The following ITGA3 variants were observed in gnomAD, a reference collection of about 807,000 sequenced individuals.
ITGA3 encodes integrin alpha-3.
A neutral mutation model predicts 131.1 loss-of-function variants in ITGA3; 70 were observed. That is an observed-to-expected ratio of 0.53 (90% CI 0.44 to 0.65). ITGA3 has a LOEUF of 0.65. Among genes scored for constraint, ITGA3 ranks in the 30% least tolerant of loss-of-function variants. The pLI is 0.00. For synonymous variants in ITGA3, 537 were observed against 571.6 expected, an observed-to-expected ratio of 0.94 and a Z score of 0.86; for missense variants, 1,098 against 1,388.6, an observed-to-expected ratio of 0.79 and a Z score of 3.33.
chr17:50,070,463 T>C (rs2144278154), intron 4 of ITGA3, among the ~76,000 whole-genome samples: 1 of 152,044 alleles, frequency 6.6e-6, no homozygotes, highest in Middle Eastern at 3.4e-3. Context: ...CTGGCCAACA[T>C]GGTGAAACCT....
chr17:50,079,573 G>A lies in ITGA3; in HGVS notation c.2706+16G>A, dbSNP rs367916414. ...GACTGTGCTGGTGAGTGGCCAGGGC[G>A]AGGTTGGAGGGGATTGCATCCACCC... On this transcript the variant is annotated intron_variant, in intron 21 of 25. Transcript: ENST00000320031. The A allele has an allele frequency of 6.6e-5, 100 of 1,509,596 alleles. No individual in the cohort carries two copies. The highest frequency in any genetic ancestry group is 8.3e-5 in the Non-Finnish European group (94 of 1,128,994). The allele number at this position is 1,509,596 out of a possible 1,614,324, so 93.5% of individuals were successfully genotyped here. A position where few individuals can be genotyped will look rare whatever the true frequency, so the allele number is the denominator to read the frequency against.
Position 50,089,190 on chromosome 17 carries a change from C to A in ITGA3, c.*112C>A, listed in dbSNP as rs1208874040. ...TGCGGATCCGGGAGGAGGAGCGCTA[C>A]CCACCTCCAGGGAGCACCCTGCCCA... On this transcript the variant is annotated 3_prime_UTR_variant, in exon 26 of 26. Transcript: ENST00000320031. 1.9e-6 allele frequency: 3 copies of A among 1,612,772 alleles called. No homozygotes were observed. In the African/African-American group the frequency reaches 4.0e-5, roughly 22 times the overall value.
chr17:50,074,528 C>A lies in ITGA3; in HGVS notation c.1463C>A (p.Thr488Asn), dbSNP rs1456607845. 6.2e-7 allele frequency: 1 copy of A among 1,611,400 alleles called. No individual in the cohort carries two copies. Among genetic ancestry groups the A allele is most frequent in the African/African-American group, 1.3e-5 (1 of 75,016 alleles). The change falls in exon 10 of 26, where the codon ACC becomes AAC. Residue 488 changes from threonine to asparagine, a missense_variant. This residue lies in a region of ITGA3 where 699 missense variants were observed against 829.2 expected (regional missense o/e 0.84). Coordinates refer to ENST00000320031, the MANE Select transcript of ITGA3 (RefSeq NM_002204.4). The stretch of plus-strand genomic sequence containing the variant: ...CTGGACCCTGCACTTTGCACGGCCA[C>A]CTCTTGGTGAGATTGTTCTGCCCAC... ...AVLDPALCTA[T>N]SCVQVELCFA...
At chr17:50,071,674 C>T in intron 6 of ITGA3, 156 bp downstream of exon 6, 1 of 698,242 alleles carries the variant, frequency 1.4e-6, no homozygotes, top group Non-Finnish European at 2.4e-6. Context: ...AGTCTGAGCA[C>T]CTGCACATGG....
Position 50,088,248 on chromosome 17 carries a change from C to T in ITGA3, c.3069C>T (p.Arg1023=). ...AGTGCGGCTTCTTCAAGCGAGCCCG[C>T]ACTCGCGCCCTGTATGAAGCTAAGA... ...LWKCGFFKRA[R]TRALYEAKRQ... Residue 1023 remains arginine, a synonymous_variant, in exon 25 of 26, where the codon CGC becomes CGT. Transcript: ENST00000320031. The T allele has an allele frequency of 1.3e-6, 2 of 1,574,732 alleles. No homozygotes were observed. Among genetic ancestry groups the T allele is most frequent in the Non-Finnish European group, 1.7e-6 (2 of 1,160,204 alleles).
intron 21 of ITGA3, 125 bp downstream of exon 21, chr17:50,079,682 A>G (rs1909095676): frequency 9.0e-7 from 1 of 1,111,584 alleles, no homozygotes; most frequent in African/African-American, 1.6e-5. Flanking sequence ...TGCTCTTGGG[A>G]GCCTCCAGAC....
In ITGA3 at chr17:50,074,291, A is replaced by T; in HGVS notation, c.1382+11A>T. 6.2e-7 allele frequency: 1 copy of T among 1,613,694 alleles called. No homozygotes were observed. The highest frequency in any genetic ancestry group is 8.5e-7 in the Non-Finnish European group (1 of 1,179,760). ...CATTGTGCTGCTGCGGTGAGCCAGG[A>T]GGCCAGTGAATAAGGGTCTTTCTCT... is the stretch of plus-strand genomic sequence containing the variant. On this transcript the variant is annotated intron_variant, in intron 9 of 25. Coordinates refer to ENST00000320031, the MANE Select transcript of ITGA3 (RefSeq NM_002204.4).
chr17:50,060,228 A>G (rs1158927749), intron 1 of ITGA3, among the ~76,000 whole-genome samples: 1 of 152,156 alleles, frequency 6.6e-6, no homozygotes, highest in Non-Finnish European at 1.5e-5. Flanking sequence ...AGGCCCTGCC[A>G]TGTTGGCCTG....
chr17:50,080,388 G>C lies in ITGA3; in HGVS notation c.2820+13G>C, dbSNP rs139327106. 2 of 1,532,206 alleles carry C rather than the reference G, an allele frequency of 1.3e-6. No homozygotes were observed. Among genetic ancestry groups the C allele is most frequent in the Non-Finnish European group, 9.0e-7 (1 of 1,109,842 alleles). 94.9% of individuals were successfully genotyped at this position (1,532,206 alleles called of 1,614,324 possible). ...CACCTTCATCGAGGTCAGTGCCTGGGTCTGAAGGTCTCTCCTACCATCCAC... is the reference window on the plus strand; with the variant it reads ...CACCTTCATCGAGGTCAGTGCCTGGCTCTGAAGGTCTCTCCTACCATCCAC... On this transcript the variant is annotated intron_variant, in intron 22 of 25. Coordinates refer to ENST00000320031, the MANE Select transcript of ITGA3 (RefSeq NM_002204.4).
chr17:50,080,921 TAG>T (rs1236611062), intron 22 of ITGA3, among the ~76,000 whole-genome samples: 1 of 152,154 alleles, frequency 6.6e-6, no homozygotes, highest in African/African-American at 2.4e-5. Flanking sequence ...TGGCGGGCCA[TAG>T]AGTTTCTGTT....
intron 16 of ITGA3, 78 bp from the exon 17 acceptor site, chr17:50,077,968 T>G (rs1196075700): frequency 6.6e-6 from 8 of 1,219,410 alleles, no homozygotes; most frequent in Admixed American, 1.8e-5. Flanking sequence ...TAGAATAGTG[T>G]GCATCCCCTC....
intron 23 of ITGA3, among the ~76,000 whole-genome samples, chr17:50,085,939 T>C (rs1909384511): frequency 7.2e-6 from 1 of 139,290 alleles, no homozygotes; most frequent in African/African-American, 2.7e-5. Flanking sequence ...TTATACATAT[T>C]ATAGATTTAT....
At position 50,078,070 on chromosome 17, in the gene ITGA3, G is replaced by A. The variant is rs1423946104; in HGVS notation, c.2164G>A (p.Val722Ile). 1 of 1,613,302 alleles carries A rather than the reference G, an allele frequency of 6.2e-7. No individual in the cohort carries two copies. The highest frequency in any genetic ancestry group is 1.3e-5 in the African/African-American group (1 of 74,896). Reference protein sequence around the residue: ...QRMELLIAFEVIGVTLHTRDL... With the variant: ...QRMELLIAFEIIGVTLHTRDL... ...GATGGAGCTGCTCATCGCCTTTGAG[G>A]TCATCGGGGTGACCCTGCACACAAG... is the stretch of plus-strand genomic sequence containing the variant. Residue 722 changes from valine to isoleucine, a missense_variant, in exon 17 of 26, where the codon GTC becomes ATC. Val to Ile is a conservative substitution (Grantham distance 29). Around this residue, in one of 3 missense-constraint regions of ITGA3, gnomAD observed 699 missense variants for 829.2 expected, o/e 0.84. Transcript: ENST00000320031.
intron 4 of ITGA3, among the ~76,000 whole-genome samples, chr17:50,069,167 C>T (rs72840623): frequency 0.014 from 2,164 of 152,156 alleles, 20 homozygotes; most frequent in Non-Finnish European, 0.023. Flanking sequence ...TTAAAATACT[C>T]TTATGAGGCA....
At chr17:50,071,651 C>A in intron 6 of ITGA3, 133 bp downstream of exon 6, 1 of 864,734 alleles carries the variant, frequency 1.2e-6, no homozygotes, top group Non-Finnish European at 1.8e-6. Flanking sequence ...GGTTTGCAGT[C>A]AGGCTTTATG....
Position 50,069,210 on chromosome 17 carries a change from A to G in ITGA3, c.664+905A>G, listed in dbSNP as rs115278736. 1.6e-3 allele frequency among the ~76,000 whole-genome samples: 237 copies of G among 152,298 alleles called. 1 individual carries two copies. Among genetic ancestry groups the G allele is most frequent in the African/African-American group, 5.3e-3 (222 of 41,560 alleles). On this transcript the variant is annotated intron_variant, in intron 4 of 25. Transcript: ENST00000320031. Reference sequence around the variant, plus strand: ...TTATATCCATTTTACAAAAACAAAAACTAAGACTTAGAGAAGTAAATTGCC... The same window carrying G: ...TTATATCCATTTTACAAAAACAAAAGCTAAGACTTAGAGAAGTAAATTGCC...
At chr17:50,072,862 C>T (rs531738131) in intron 7 of ITGA3, among the ~76,000 whole-genome samples, 6 of 152,124 alleles carry the variant, frequency 3.9e-5, no homozygotes, top group South Asian at 2.1e-4. Flanking sequence ...GGGGACCAAT[C>T]GGACCTGGGG....
chr17:50,068,101 G>GGTGGGC lies in ITGA3; in HGVS notation c.460_461insGTGGGC (p.Asp154delinsGlyGlyHis). Reference sequence around the variant, plus strand: ...CCAGGTGCTGTGGTCAGGGTCAGAAGACCAGCGGCGCATGGTGGGCAAGTG... The same window carrying GGTGGGC: ...CCAGGTGCTGTGGTCAGGGTCAGAAGGTGGGCACCAGCGGCGCATGGTGGGCAAGTG... On this transcript the variant is annotated protein_altering_variant, in exon 4 of 26. Coordinates refer to ENST00000320031, the MANE Select transcript of ITGA3 (RefSeq NM_002204.4). 6.2e-7 allele frequency: 1 copy of GGTGGGC among 1,614,158 alleles called. No individual in the cohort carries two copies. The highest frequency in any genetic ancestry group is 8.5e-7 in the Non-Finnish European group (1 of 1,180,044).
intron 23 of ITGA3, 147 bp from the exon 24 acceptor site, chr17:50,087,597 G>A: frequency 1.2e-6 from 1 of 815,842 alleles, no homozygotes; most frequent in South Asian, 1.8e-5. Context: ...GCTGTCAGTG[G>A]GGCAGGCACA....
Sources: allele counts gnomAD v4.1 joint callset (sites outside exome capture counted in the v4.1 genomes callset), GRCh38; gene constraint gnomAD v4.1.1; regional missense constraint gnomAD v4.1.1; transcripts MANE v1.5; gene names NCBI Gene and HGNC (gene_info 2026-07-23, HGNC 2026-07-21).